Variants in TPRG1 observed in about 807,000 individuals in gnomAD.
The protein encoded by TPRG1 is tumor protein p63 regulated 1.
In TPRG1, 29 loss-of-function variants were observed where a neutral mutation model predicts 29.3. That is an observed-to-expected ratio of 0.99 (90% CI 0.74 to 1.35). TPRG1 has a LOEUF of 1.35. Ranked by LOEUF, TPRG1 falls within the 40% of genes most tolerant of loss-of-function variation. The probability of loss-of-function intolerance (pLI) is 0.00; values close to 1 mark genes in which losing one functional copy is unlikely to be tolerated. For synonymous variants in TPRG1, 130 were observed against 116.8 expected (o/e 1.11, Z -0.73); for missense variants, 327 against 335.0 (o/e 0.98, Z 0.19).
At chr3:189,194,036 C>A (rs955689598) in intron 1 of TPRG1, among the ~76,000 whole-genome samples, 1 of 151,256 alleles carries the variant, frequency 6.6e-6, no homozygotes, top group African/African-American at 2.4e-5. Flanking sequence ...TCATCTCTTG[C>A]AAACTTTCTA....
At chr3:189,069,880 C>T (rs1716702898) in intron 4 of TPRG1, among the ~76,000 whole-genome samples, 1 of 152,242 alleles carries the variant, frequency 6.6e-6, no homozygotes, top group Non-Finnish European at 1.5e-5. Flanking sequence ...GAGATCGAGA[C>T]CATCCTGGCC....
chr3:189,062,073 T>A (rs1008852386), intron 4 of TPRG1, among the ~76,000 whole-genome samples: 1 of 152,170 alleles, frequency 6.6e-6, no homozygotes, highest in Non-Finnish European at 1.5e-5. Context: ...AAAGAAAATG[T>A]GGTACCTATA....
intron 4 of TPRG1, among the ~76,000 whole-genome samples, chr3:189,273,995 A>G (rs77424180): frequency 0.089 from 13,273 of 149,802 alleles, 738 homozygotes; most frequent in East Asian, 0.15. Context: ...ATAATGTTGT[A>G]TTTGTCTGGA....
chr3:189,320,560 G>C, intron 5 of TPRG1, 66 bp from the exon 6 acceptor site: 1 of 1,398,752 alleles, frequency 7.1e-7, no homozygotes, highest in Non-Finnish European at 9.6e-7. Context: ...GACTGGCTGG[G>C]GAGATGAGTA....
intron 4 of TPRG1, among the ~76,000 whole-genome samples, chr3:189,067,384 A>G (rs1716522708): frequency 6.6e-6 from 1 of 152,212 alleles, no homozygotes; most frequent in Non-Finnish European, 1.5e-5. Context: ...CAAAAAGAAC[A>G]AAACTGGAGA....
intron 4 of TPRG1, among the ~76,000 whole-genome samples, chr3:189,308,730 G>C (rs932778068): frequency 1.3e-5 from 2 of 152,110 alleles, no homozygotes; most frequent in Non-Finnish European, 2.9e-5. Flanking sequence ...AAGCTCTCTT[G>C]GCAGATTTTC....
At chr3:189,224,434 C>T (rs1224377639) in intron 3 of TPRG1, among the ~76,000 whole-genome samples, 1 of 152,194 alleles carries the variant, frequency 6.6e-6, no homozygotes, top group African/African-American at 2.4e-5. Flanking sequence ...GAACCAAGAT[C>T]GTGCCACTGC....
intron 5 of TPRG1, among the ~76,000 whole-genome samples, chr3:189,312,841 G>A (rs1722923620): frequency 6.6e-6 from 1 of 152,130 alleles, no homozygotes; most frequent in African/African-American, 2.4e-5. Context: ...AGCCTTCCCA[G>A]TAGCAAAGGC....
intron 5 of TPRG1, among the ~76,000 whole-genome samples, chr3:189,158,738 T>C (rs1452733025): frequency 6.6e-6 from 1 of 152,114 alleles, no homozygotes; most frequent in Non-Finnish European, 1.5e-5. Context: ...CCCATCTCGT[T>C]CAGTTTGTCT....
intron 4 of TPRG1, among the ~76,000 whole-genome samples, chr3:189,292,892 G>A (rs2109213627): frequency 6.6e-6 from 1 of 152,214 alleles, no homozygotes; most frequent in South Asian, 2.1e-4. Flanking sequence ...AGGTGTCCTT[G>A]GAGGTAAGGG....
intron 4 of TPRG1, among the ~76,000 whole-genome samples, chr3:189,042,405 T>C (rs750068008): frequency 6.6e-6 from 1 of 152,188 alleles, no homozygotes; most frequent in Non-Finnish European, 1.5e-5. Context: ...ATTGATAACA[T>C]TTTCTATCTA....
intron 4 of TPRG1, among the ~76,000 whole-genome samples, chr3:189,297,090 G>T (rs1437209401): frequency 6.6e-6 from 1 of 151,952 alleles, no homozygotes; most frequent in Non-Finnish European, 1.5e-5. Flanking sequence ...AAGTGATTCT[G>T]CCACCTCAGC....
chr3:189,119,637 A>T (rs923880464), intron 1 of TPRG1, among the ~76,000 whole-genome samples: 2 of 152,140 alleles, frequency 1.3e-5, no homozygotes, highest in African/African-American at 4.8e-5. Context: ...GTGGTAGTGA[A>T]TGAGTTCTCA....
chr3:189,138,798 T>C (rs2108558210), intron 3 of TPRG1, among the ~76,000 whole-genome samples: 1 of 152,142 alleles, frequency 6.6e-6, no homozygotes, highest in Non-Finnish European at 1.5e-5. Flanking sequence ...ATGGAGAGCA[T>C]GAGGGCTTTA....
intron 4 of TPRG1, among the ~76,000 whole-genome samples, chr3:189,248,134 C>T (rs973272208): frequency 8.6e-5 from 13 of 151,706 alleles, no homozygotes; most frequent in Non-Finnish European, 1.8e-4. Context: ...GAACCTGGTG[C>T]TTTTAAAGGA....
chr3:189,095,672 C>T (rs1270207567), upstream of TPRG1, among the ~76,000 whole-genome samples: 1 of 152,150 alleles, frequency 6.6e-6, no homozygotes, highest in South Asian at 2.1e-4. Flanking sequence ...GTTTCTCTCC[C>T]CTGAATGTCT....
upstream of TPRG1, among the ~76,000 whole-genome samples, chr3:189,096,867 T>A (rs1718713313): frequency 2.0e-5 from 3 of 152,220 alleles, no homozygotes; most frequent in Non-Finnish European, 2.9e-5. Flanking sequence ...AATATTTTAA[T>A]AGTATTTTCA....
At chr3:189,129,612 GTTA>G (rs1407603878) in intron 2 of TPRG1, among the ~76,000 whole-genome samples, 9 of 152,198 alleles carry the variant, frequency 5.9e-5, no homozygotes, top group African/African-American at 1.9e-4. Flanking sequence ...TGTTGCCATT[GTTA>G]TTATGATGTT....
rs139102863 is a variant in TPRG1 at position 189,045,491 on chromosome 3, A to G, written c.-463+21545A>G. On this transcript the variant is annotated intron_variant, in intron 4 of 10. Coordinates refer to the TPRG1 transcript ENST00000433971. ...AATTAGATGTCTGGACTTCATTTTG[A>G]TGCTATCAATTATTAGCAGTTAATC... Among the ~76,000 whole-genome samples the G allele has an allele frequency of 4.0e-4, 61 of 152,356 alleles. No homozygotes were observed. The East Asian group carries it at 0.011, about 28-fold the overall frequency.
Sources: gnomAD v4.1 joint callset for allele counts (sites outside exome capture counted in the v4.1 genomes callset) on GRCh38, gnomAD v4.1.1 for gene constraint, MANE v1.5 for transcripts, NCBI Gene and HGNC (gene_info 2026-07-23, HGNC 2026-07-21) for gene names.